The following CIITA variants were observed in gnomAD, a reference collection of about 807,000 sequenced individuals.
CIITA encodes MHC class II transactivator.
A neutral mutation model predicts 115.1 loss-of-function variants in CIITA; 72 were observed. The ratio of observed to expected loss-of-function variants is 0.63; its 90% CI spans 0.52 to 0.76. The LOEUF (loss-of-function observed/expected upper bound fraction) is 0.76. Ranked by LOEUF, CIITA falls within the 30% of genes least tolerant of loss-of-function variation. CIITA has a pLI of 0.00. For synonymous variants in CIITA, 763 were observed against 635.6 expected, an observed-to-expected ratio of 1.20 and a Z score of -3.02; for missense variants, 1,617 against 1,463.8, an observed-to-expected ratio of 1.10 and a Z score of -1.71.
At chr16:10,910,389 A>C in intron 13 of CIITA, 130 bp downstream of exon 13, 1 of 834,256 alleles carries the variant, frequency 1.2e-6, no homozygotes, top group Non-Finnish European at 2.0e-6. Flanking sequence ...CACTTTGGAA[A>C]TAGCTTCCAG....
chr16:10,904,194 A>C (rs2038979371), intron 9 of CIITA, among the ~76,000 whole-genome samples: 1 of 152,064 alleles, frequency 6.6e-6, no homozygotes. Context: ...ATTTTTACAT[A>C]GATATTGTGA....
At chr16:10,912,739 C>G (rs1444193223) in intron 13 of CIITA, among the ~76,000 whole-genome samples, 1 of 152,208 alleles carries the variant, frequency 6.6e-6, no homozygotes, top group African/African-American at 2.4e-5. Context: ...TTATTTTCAG[C>G]TGAAAAAGCC....
At chr16:10,904,991 T>C (rs1478815604) in intron 10 of CIITA, among the ~76,000 whole-genome samples, 179 bp downstream of exon 10, 1 of 152,176 alleles carries the variant, frequency 6.6e-6, no homozygotes, top group Admixed American at 6.5e-5. Flanking sequence ...CACCATTCAC[T>C]CCACCACTCC....
In CIITA at chr16:10,908,006, C is replaced by A. The variant is rs779926591; in HGVS notation, c.2514C>A (p.Thr838=). The change falls in exon 11 of 20, where the codon ACC becomes ACA. Residue 838 remains threonine, a synonymous_variant. Transcript: ENST00000324288. ...ELPGRLSFLG[T]RLTPPDAHVL... is the part of the protein sequence containing the mutation. The stretch of plus-strand genomic sequence containing the variant: ...CCGGCCGCCTCTCTTTTCTGGGCAC[C>A]CGCCTCACGCCTCCTGATGCACATG... 3 of 1,598,538 alleles carry A rather than the reference C, an allele frequency of 1.9e-6. No individual in the cohort carries two copies. The Admixed American group carries it at 5.1e-5, about 27-fold the overall frequency.
At chr16:10,884,277 G>A (rs2036712013) in intron 1 of CIITA, among the ~76,000 whole-genome samples, 1 of 152,180 alleles carries the variant, frequency 6.6e-6, no homozygotes, top group African/African-American at 2.4e-5. Context: ...CAAACCCAAA[G>A]GGCAGGGAGC....
chr16:10,929,631 G>C lies in CIITA; in HGVS notation c.*5776G>C. 3 of 935,104 alleles carry C rather than the reference G, an allele frequency of 3.2e-6. No individual in the cohort carries two copies. In the South Asian group the frequency reaches 1.5e-4, roughly 46 times the overall value. The allele number at this position is 935,104 out of a possible 1,614,324, so 57.9% of individuals were successfully genotyped here. ...TGCCACCAGGTTGGCTGGGGACAGG[G>C]ACCAATCCACCAGGCTCGGGAGGCT... On this transcript the variant is annotated 3_prime_UTR_variant, in exon 20 of 20. Transcript: ENST00000324288. The surrounding 1 kb of genome is among the most constrained non-coding windows in gnomAD (Gnocchi z 4.3).
intron 1 of CIITA, among the ~76,000 whole-genome samples, chr16:10,870,167 TGC>T (rs1312962738): frequency 1.4e-5 from 1 of 72,634 alleles, no homozygotes; most frequent in East Asian, 3.7e-4. Context: ...CAGTACTTCC[TGC>T]AAAAAAAAAA....
At chr16:10,878,046 C>T (rs542632778) in intron 1 of CIITA, among the ~76,000 whole-genome samples, 1 of 152,190 alleles carries the variant, frequency 6.6e-6, no homozygotes, top group Non-Finnish European at 1.5e-5. Context: ...CTGGAGTGTA[C>T]AATGGACCTG....
rs1048727873 is a variant in CIITA at position 10,869,383 on chromosome 16, A to G, written c.-21+3064A>G. On this transcript the variant is annotated intron_variant, in intron 1 of 5. Transcript: ENST00000636238. ...CCCTCTGCCTGGAGCACTGTTCTCT[A>G]AGCATTTTCTTGGTCAACCTCCTAA... 3.3e-5 allele frequency among the ~76,000 whole-genome samples: 5 copies of G among 152,252 alleles called. No individual in the cohort carries two copies. In the South Asian group the frequency reaches 8.3e-4, roughly 25 times the overall value.
At position 10,920,485 on chromosome 16, in the gene CIITA, G is replaced by A. The variant is rs903202584; in HGVS notation, c.3150-1682G>A. On this transcript the variant is annotated intron_variant, in intron 16 of 19. Coordinates refer to ENST00000324288, the MANE Select transcript of CIITA (RefSeq NM_000246.4). This position sits in a 1 kb window ranked among gnomAD's most constrained non-coding sequence, Gnocchi z 4.5. The stretch of plus-strand genomic sequence containing the variant: ...TGGTCTTGAAATCCTGGGCCCAAGC[G>A]ATCCACCCACCTCAGCCTTCCAAAG... Among the ~76,000 whole-genome samples the A allele has an allele frequency of 1.3e-5, 2 of 152,314 alleles. No homozygotes were observed. Among genetic ancestry groups the A allele is most frequent in the South Asian group, 2.1e-4 (1 of 4,816 alleles).
Position 10,915,648 on chromosome 16 carries a change from G to A in CIITA, c.2967G>A (p.Leu989=). The A allele has an allele frequency of 1.2e-6, 2 of 1,613,570 alleles. No homozygotes were observed. Among genetic ancestry groups the A allele is most frequent in the African/African-American group, 2.7e-5 (2 of 75,000 alleles). The part of the protein sequence containing the change: ...ILTAFSSLQH[L]DLDALSENKI... ...CGGCCTTTTCCTCCCTGCAGCATCT[G>A]GAGTGAGTATAGACTCTGGGACCCC... The change falls in exon 14 of 20, where the codon CTG becomes CTA. Residue 989 remains leucine, a splice_region_variant and synonymous_variant. Transcript: ENST00000324288.
At chr16:10,916,517 T>C in intron 15 of CIITA, 58 bp downstream of exon 15, 1 of 1,444,188 alleles carries the variant, frequency 6.9e-7, no homozygotes, top group East Asian at 2.4e-5. Context: ...CCGGCTGACT[T>C]TTTCAAAATT....
At chr16:10,903,932 C>T (rs2038958489) in intron 9 of CIITA, 37 bp downstream of exon 9, 1 of 1,613,522 alleles carries the variant, frequency 6.2e-7, no homozygotes, top group Admixed American at 1.7e-5. Context: ...GTACTAGAAG[C>T]AGGATCGAGG....
At chr16:10,895,791 G>C in intron 3 of CIITA, 27 bp downstream of exon 3, 1 of 1,608,482 alleles carries the variant, frequency 6.2e-7, no homozygotes, top group Admixed American at 1.7e-5. Context: ...GCCCAGAAAA[G>C]GACAATCAAG....
chr16:10,910,024 C>T lies in CIITA; in HGVS notation c.2817-164C>T, dbSNP rs574544338. ...TGCTGGGACTACAGTCACGAGGCAC[C>T]GCACCCAGACAGATCTTTTTTTTTA... On this transcript the variant is annotated intron_variant, in intron 12 of 19. Transcript: ENST00000324288. Among the ~76,000 whole-genome samples the T allele has an allele frequency of 2.2e-4, 32 of 147,670 alleles. No homozygotes were observed. In the South Asian group the frequency reaches 4.9e-3, roughly 23 times the overall value.
In CIITA at chr16:10,934,624, C is replaced by G. The variant is rs1473602778; in HGVS notation, c.*10769C>G. 6.6e-6 allele frequency: 1 copy of G among 152,266 alleles called. No homozygotes were observed. The highest frequency in any genetic ancestry group is 1.5e-5 in the Non-Finnish European group (1 of 68,072). 9.4% of individuals were successfully genotyped at this position (152,266 alleles called of 1,614,324 possible). On this transcript the variant is annotated 3_prime_UTR_variant, in exon 20 of 20. Coordinates refer to ENST00000324288, the MANE Select transcript of CIITA (RefSeq NM_000246.4). The surrounding 1 kb of genome is among the most constrained non-coding windows in gnomAD (Gnocchi z 4.2). ...AGATGAGTCATCGAACTTCTGCAAG[C>G]CTCAGTTTCCTCCCTGGTCTAATGG...
chr16:10,906,461 C>T (rs1460088896), intron 10 of CIITA, 38 bp from the exon 11 acceptor site: 1 of 1,608,984 alleles, frequency 6.2e-7, no homozygotes, highest in Non-Finnish European at 8.5e-7. Flanking sequence ...CCCTGCCTCT[C>T]ACATACCCCC....
chr16:10,908,445 T>C (rs556965804), intron 11 of CIITA: 239 of 533,430 alleles, frequency 4.5e-4, no homozygotes, highest in African/African-American at 4.1e-3. Context: ...ATTTGTTTTA[T>C]TCTTTCCACC....
chr16:10,907,882 A>G lies in CIITA; in HGVS notation c.2390A>G (p.Gln797Arg). The G allele has an allele frequency of 6.2e-7, 1 of 1,602,078 alleles. No individual in the cohort carries two copies. Among genetic ancestry groups the G allele is most frequent in the African/African-American group, 1.3e-5 (1 of 74,576 alleles). ...KVLARYLKRL[Q>R]PGTLRARQLL... Reference sequence around the variant, plus strand: ...CTTGCGAGGTACCTGAAGCGGCTGCAGCCGGGGACACTGCGGGCGCGGCAG... The same window carrying G: ...CTTGCGAGGTACCTGAAGCGGCTGCGGCCGGGGACACTGCGGGCGCGGCAG... Residue 797 changes from glutamine (Q) to arginine (R), a missense_variant, in exon 11 of 20, where the codon CAG (glutamine) becomes CGG (arginine). Coordinates refer to ENST00000324288, the MANE Select transcript of CIITA (RefSeq NM_000246.4). This position sits in a 1 kb window ranked among gnomAD's most constrained non-coding sequence, Gnocchi z 5.0.
Sources: allele counts gnomAD v4.1 joint callset (sites outside exome capture counted in the v4.1 genomes callset), GRCh38; gene constraint gnomAD v4.1.1; non-coding constraint Gnocchi (gnomAD v3.1); transcripts MANE v1.5; gene names NCBI Gene and HGNC (gene_info 2026-07-23, HGNC 2026-07-21).